ALG14: variants seen among roughly 807,000 people sequenced by gnomAD.
The protein encoded by ALG14 is ALG14 UDP-N-acetylglucosaminyltransferase subunit.
A neutral mutation model predicts 22.8 loss-of-function variants in ALG14; 17 were observed. The ratio of observed to expected loss-of-function variants is 0.75; its 90% confidence interval spans 0.51 to 1.12. ALG14 has a LOEUF of 1.12. Among genes scored for constraint, ALG14 ranks in the 50% most tolerant of loss-of-function variants. The pLI is 0.00. For missense variants in ALG14, 288 were observed against 271.8 expected, an observed-to-expected ratio of 1.06 and a Z score of -0.42; for synonymous variants, 89 against 103.7, an observed-to-expected ratio of 0.86 and a Z score of 0.86.
intron 3 of ALG14, among the ~76,000 whole-genome samples, chr1:94,993,305 CCTT>C (rs1038473089): frequency 2.2e-4 from 32 of 144,460 alleles, no homozygotes; most frequent in African/African-American, 6.8e-4. Flanking sequence ...ATATCAGGCT[CCTT>C]CTATCTTTAT....
intron 3 of ALG14, among the ~76,000 whole-genome samples, chr1:95,000,204 T>C (rs1229619637): frequency 6.6e-6 from 1 of 152,072 alleles, no homozygotes; most frequent in Non-Finnish European, 1.5e-5. Context: ...ATAATATTGT[T>C]CCAGTTACTA....
At chr1:95,040,713 C>T (rs536087360) in intron 2 of ALG14, among the ~76,000 whole-genome samples, 1 of 152,044 alleles carries the variant, frequency 6.6e-6, no homozygotes, top group African/African-American at 2.4e-5. Flanking sequence ...TTTAATTGTG[C>T]TATTTATGTT....
rs915966966 is a variant in ALG14 at position 95,060,343 on chromosome 1, G to A, written c.288+4523C>T. ...CAGTGGCTGCATTGCCCCAGTAGGC[G>A]ACTGTTAGTAAAAGGAAGTTGAACA... On this transcript the variant is annotated intron_variant, in intron 2 of 3. Coordinates refer to ENST00000370205, the MANE Select transcript of ALG14 (RefSeq NM_144988.4). Among the ~76,000 whole-genome samples, 10 of 150,972 alleles carry A rather than the reference G, an allele frequency of 6.6e-5. 1 individual carries two copies. In the East Asian group the frequency reaches 2.2e-3, roughly 33 times the overall value.
rs1553222994 is a variant in ALG14 at position 94,979,310 on chromosome 1, A to AAAAAAAAAAAAAAAAAAAAG, written c.*3765_*3766insCTTTTTTTTTTTTTTTTTTT. ...GTCTCGAAAAAAAAAAAAAAAAAAA[A>AAAAAAAAAAAAAAAAAAAAG]AAAAGAAAGAAAAAAGTGAAACAAG... On this transcript the variant is annotated 3_prime_UTR_variant, in exon 4 of 4. Coordinates refer to ENST00000370205, the MANE Select transcript of ALG14 (RefSeq NM_144988.4). 2.2e-5 allele frequency: 2 copies of AAAAAAAAAAAAAAAAAAAAG among 89,868 alleles called. No homozygotes were observed. Among genetic ancestry groups the AAAAAAAAAAAAAAAAAAAAG allele is most frequent in the African/African-American group, 1.1e-4 (2 of 18,782 alleles). The allele number at this position is 89,868 out of a possible 1,614,324, so 5.6% of individuals were successfully genotyped here. A position where few individuals can be genotyped will look rare whatever the true frequency, so the allele number is the denominator to read the frequency against.
Position 94,982,239 on chromosome 1 carries a change from C to G in ALG14, c.*837G>C, listed in dbSNP as rs1353791290. 1 of 151,728 alleles carries G rather than the reference C, an allele frequency of 6.6e-6. No individual in the cohort carries two copies. Among genetic ancestry groups the G allele is most frequent in the Non-Finnish European group, 1.5e-5 (1 of 68,116 alleles). 9.4% of individuals were successfully genotyped at this position (151,728 alleles called of 1,614,324 possible). ...CTCCCGGGTTCAAGCGATTCTCCTG[C>G]CTCAGCCTCCCGAGTAGCTGGGATT... is the stretch of plus-strand genomic sequence containing the variant. On this transcript the variant is annotated 3_prime_UTR_variant, in exon 4 of 4. Transcript: ENST00000370205.
Position 95,054,500 on chromosome 1 carries a change from C to G in ALG14, c.288+10366G>C, listed in dbSNP as rs184150021. 1.5e-3 allele frequency among the ~76,000 whole-genome samples: 234 copies of G among 152,312 alleles called. 1 individual carries two copies. The highest frequency in any genetic ancestry group is 1.7e-3 in the Non-Finnish European group (118 of 68,038). On this transcript the variant is annotated intron_variant, in intron 2 of 3. Coordinates refer to ENST00000370205, the MANE Select transcript of ALG14 (RefSeq NM_144988.4). ...GCAGAACTGTGAGCCAATTAAACCT[C>G]TCTTCTTTTTAAATTACCCGGTCTT...
chr1:95,047,913 T>C (rs1487674786), intron 2 of ALG14, among the ~76,000 whole-genome samples: 1 of 152,070 alleles, frequency 6.6e-6, no homozygotes, highest in Admixed American at 6.6e-5. Flanking sequence ...GAGTTCGAGG[T>C]TGCAGTGAGC....
intron 2 of ALG14, among the ~76,000 whole-genome samples, chr1:95,027,471 A>G (rs1035917691): frequency 6.6e-6 from 1 of 152,246 alleles, no homozygotes; most frequent in Non-Finnish European, 1.5e-5. Flanking sequence ...TATGATTCAA[A>G]AAATGTTAAA....
chr1:94,999,269 C>A (rs2100731971), intron 3 of ALG14, among the ~76,000 whole-genome samples: 1 of 137,118 alleles, frequency 7.3e-6, no homozygotes, highest in East Asian at 2.1e-4. Context: ...CCAAAAAAGA[C>A]ATAGTCCACA....
At chr1:95,060,182 T>C (rs1366176055) in intron 2 of ALG14, among the ~76,000 whole-genome samples, 1 of 147,432 alleles carries the variant, frequency 6.8e-6, no homozygotes, top group African/African-American at 2.5e-5. Context: ...ACACACGTGG[T>C]GGTACCCAGT....
At chr1:95,007,451 G>C (rs1009172130) in intron 3 of ALG14, among the ~76,000 whole-genome samples, 2 of 152,168 alleles carry the variant, frequency 1.3e-5, no homozygotes, top group Non-Finnish European at 2.9e-5. Flanking sequence ...AATTAGTATT[G>C]CTGCCTTAAG....
chr1:95,048,869 A>G (rs576077647), intron 2 of ALG14, among the ~76,000 whole-genome samples: 1 of 152,072 alleles, frequency 6.6e-6, no homozygotes, highest in Admixed American at 6.5e-5. Context: ...GTTTCTTATT[A>G]AAAAGCTACT....
At position 94,977,908 on chromosome 1, in the gene ALG14, C is replaced by T. The variant is rs1672426048; in HGVS notation, c.*5168G>A. 1 of 152,178 alleles carries T rather than the reference C, an allele frequency of 6.6e-6. No homozygotes were observed. Among genetic ancestry groups the T allele is most frequent in the African/African-American group, 2.4e-5 (1 of 41,434 alleles). The allele number at this position is 152,178 out of a possible 1,614,324, so 9.4% of individuals were successfully genotyped here. On this transcript the variant is annotated 3_prime_UTR_variant, in exon 4 of 4. Coordinates refer to ENST00000370205, the MANE Select transcript of ALG14 (RefSeq NM_144988.4). ...TCAGGTGATCCATCCACCTCGGCCT[C>T]CCAAAGTGCTGGGATTACAAGTGTG...
intron 2 of ALG14, chr1:95,061,810 G>T (rs572059174): frequency 6.6e-6 from 1 of 152,334 alleles, no homozygotes; most frequent in Admixed American, 6.5e-5. Flanking sequence ...AGCCCAGAAA[G>T]CTCAGAGAAA....
chr1:94,977,353 A>G lies in ALG14; in HGVS notation c.*5723T>C, dbSNP rs1445317964. 6.6e-6 allele frequency: 1 copy of G among 152,222 alleles called. No individual in the cohort carries two copies. The highest frequency in any genetic ancestry group is 2.4e-5 in the African/African-American group (1 of 41,462). 9.4% of individuals were successfully genotyped at this position (152,222 alleles called of 1,614,324 possible). Reference sequence around the variant, plus strand: ...GAAGAGATGAATTCGCTGATGTGACATTATGTAAAGCAGCAGTTCTTAAAA... The same window carrying G: ...GAAGAGATGAATTCGCTGATGTGACGTTATGTAAAGCAGCAGTTCTTAAAA... On this transcript the variant is annotated 3_prime_UTR_variant, in exon 4 of 4. Transcript: ENST00000370205.
chr1:95,010,682 G>T (rs1377414558), intron 3 of ALG14, among the ~76,000 whole-genome samples: 1 of 152,066 alleles, frequency 6.6e-6, no homozygotes, highest in Non-Finnish European at 1.5e-5. Context: ...TATTAAAAAA[G>T]AAAGAAGCTA....
chr1:95,001,579 T>G (rs1244763629), intron 3 of ALG14, among the ~76,000 whole-genome samples: 1 of 152,210 alleles, frequency 6.6e-6, no homozygotes, highest in Non-Finnish European at 1.5e-5. Flanking sequence ...CACTGCAACC[T>G]CCGCCTCCCG....
Position 95,030,310 on chromosome 1 carries a change from AT to A in ALG14, c.289-3051del, listed in dbSNP as rs879860134. Among the ~76,000 whole-genome samples, 443 of 146,890 alleles carry A rather than the reference AT, an allele frequency of 3.0e-3. 2 individuals are homozygous for A. The highest frequency in any genetic ancestry group is 9.0e-3 in the African/African-American group (361 of 40,280). On this transcript the variant is annotated intron_variant, in intron 2 of 3. Coordinates refer to ENST00000370205, the MANE Select transcript of ALG14 (RefSeq NM_144988.4). ...GTTAAATAAGCTTGTGACAAACTGG[AT>A]TTTTTTTTTTTCCAGTTTTCAGAGC... is the stretch of plus-strand genomic sequence containing the variant.
chr1:95,005,802 T>C (rs1376676485), intron 3 of ALG14, among the ~76,000 whole-genome samples: 2 of 152,194 alleles, frequency 1.3e-5, no homozygotes, highest in South Asian at 4.1e-4. Flanking sequence ...GGGGTGCTAG[T>C]TGCACTTATT....
Sources: allele counts gnomAD v4.1 joint callset (sites outside exome capture counted in the v4.1 genomes callset), GRCh38; gene constraint gnomAD v4.1.1; transcripts MANE v1.5; gene names NCBI Gene and HGNC (gene_info 2026-07-23, HGNC 2026-07-21).